NBEA: variants seen among roughly 807,000 people sequenced by gnomAD.
The protein encoded by NBEA is neurobeachin.
A neutral mutation model predicts 343.4 loss-of-function variants in NBEA; 44 were observed. The observed-to-expected ratio is 0.13, with a 90% CI of 0.10 to 0.16. The LOEUF is 0.16. NBEA is among the 10% of genes least tolerant of loss of function. The pLI is 1.00. For synonymous variants in NBEA, 1,175 were observed against 1,238.7 expected, an observed-to-expected ratio of 0.95 and a Z score of 1.08; for missense variants, 2,555 against 3,631.3, an observed-to-expected ratio of 0.70 and a Z score of 7.62.
At chr13:35,646,154 C>CT in intron 50 of NBEA, 105 bp from the exon 51 acceptor site, 7 of 926,132 alleles carry the variant, frequency 7.6e-6, no homozygotes, top group Admixed American at 2.3e-5. Context: ...ATTTTCTGGA[C>CT]TTTTTTTCAT....
chr13:35,199,912 A>C (rs1331902709), intron 31 of NBEA, among the ~76,000 whole-genome samples: 1 of 152,088 alleles, frequency 6.6e-6, no homozygotes, highest in Non-Finnish European at 1.5e-5. Flanking sequence ...ATCTGTGCAG[A>C]TTAAGTATAT....
intron 1 of NBEA, among the ~76,000 whole-genome samples, chr13:35,003,763 C>T (rs774021277): frequency 9.2e-5 from 14 of 151,950 alleles, no homozygotes; most frequent in African/African-American, 2.2e-4. Flanking sequence ...GATGCTTTGT[C>T]GTCTTTTTTT....
chr13:35,559,930 CAAAA>C (rs34700584), intron 44 of NBEA, among the ~76,000 whole-genome samples: 4 of 108,966 alleles, frequency 3.7e-5, no homozygotes, highest in Non-Finnish European at 3.7e-5. Flanking sequence ...GACTCCGTCT[CAAAA>C]AAAAAAAAAA....
rs115212478 is a variant in NBEA at position 35,621,102 on chromosome 13, T to C, written c.7450-6979T>C. Among the ~76,000 whole-genome samples the C allele has an allele frequency of 3.2e-3, 491 of 152,322 alleles. 3 individuals carry two copies. The highest frequency in any genetic ancestry group is 0.011 in the African/African-American group (474 of 41,566). ...AATCTTTTTCAGGACATCGAATGCT[T>C]ATTCATCTATGTGTCCTCTAAGGCT... On this transcript the variant is annotated intron_variant, in intron 48 of 58. Transcript: ENST00000379939.
chr13:34,966,915 A>G (rs943286509), intron 1 of NBEA, among the ~76,000 whole-genome samples: 1 of 151,586 alleles, frequency 6.6e-6, no homozygotes, highest in African/African-American at 2.4e-5. Flanking sequence ...GCCAGAATGC[A>G]AATCATCTGT....
intron 38 of NBEA, among the ~76,000 whole-genome samples, chr13:35,426,045 G>A (rs1173105416): frequency 6.6e-6 from 1 of 152,154 alleles, no homozygotes; most frequent in Non-Finnish European, 1.5e-5. Flanking sequence ...GTGTGTCTCT[G>A]CACATGAGAT....
intron 1 of NBEA, among the ~76,000 whole-genome samples, chr13:34,994,023 C>T (rs1225309290): frequency 1.3e-5 from 2 of 151,432 alleles, no homozygotes. Flanking sequence ...CATGGTGAAA[C>T]CCCGTCTCTA....
chr13:35,046,936 T>C lies in NBEA; in HGVS notation c.723+1535T>C, dbSNP rs151075528. Among the ~76,000 whole-genome samples the C allele has an allele frequency of 3.7e-3, 564 of 152,208 alleles. 5 individuals are homozygous for C. The highest frequency in any genetic ancestry group is 4.7e-3 in the Non-Finnish European group (321 of 67,996). ...TTATTGGCCATTCTTATGTCTTCAT[T>C]TGTGATGTTTCTGTTCACATCTTCC... On this transcript the variant is annotated intron_variant, in intron 4 of 58. Transcript: ENST00000379939.
chr13:35,179,453 T>C (rs1346752823), intron 28 of NBEA, among the ~76,000 whole-genome samples: 2 of 151,392 alleles, frequency 1.3e-5, no homozygotes, highest in Non-Finnish European at 3.0e-5. Context: ...CCCAGATGTT[T>C]AGCCTCTATG....
chr13:35,242,012 C>CA (rs1287906258), intron 34 of NBEA, among the ~76,000 whole-genome samples: 2 of 151,768 alleles, frequency 1.3e-5, no homozygotes, highest in Non-Finnish European at 3.0e-5. Context: ...ACAACGCACT[C>CA]AAAGAAAGAG....
chr13:35,083,631 C>G (rs953650097), intron 10 of NBEA, among the ~76,000 whole-genome samples: 3 of 152,128 alleles, frequency 2.0e-5, no homozygotes, highest in Admixed American at 2.0e-4. Context: ...AAAGGAACAA[C>G]TGGTACCAGC....
chr13:35,195,732 T>C (rs1422689480), intron 30 of NBEA, 132 bp from the exon 31 acceptor site: 4 of 727,632 alleles, frequency 5.5e-6, no homozygotes, highest in African/African-American at 3.6e-5. Flanking sequence ...GTTACTACTA[T>C]GCACATCCGT....
intron 10 of NBEA, among the ~76,000 whole-genome samples, chr13:35,085,846 C>T (rs2064728544): frequency 6.6e-6 from 1 of 152,088 alleles, no homozygotes. Flanking sequence ...ATCATCTCAG[C>T]CCAAAATCTC....
rs779788351 is a variant in NBEA, at chr13:35,159,312, T to G, written c.3141T>G (p.Gly1047=). ...ILGNSDRPGS[G]VHVEVHDLLV... is the part of the protein sequence containing the mutation. ...GAAATTCAGATAGACCAGGAAGTGG[T>G]GTACATGTGGAAGTACATGATCTTT... is the stretch of plus-strand genomic sequence containing the variant. The change falls in exon 22 of 59, where the codon GGT becomes GGG. Residue 1047 remains glycine (G), a synonymous_variant. Coordinates refer to ENST00000379939, the MANE Select transcript of NBEA (RefSeq NM_001385012.1). 6.2e-6 allele frequency: 10 copies of G among 1,613,464 alleles called. No homozygotes were observed. The highest frequency in any genetic ancestry group is 3.3e-4 in the Middle Eastern group (2 of 6,082).
chr13:35,541,202 GTGTTTATGTATCTTTACATACA>G (rs1401227066), intron 41 of NBEA, among the ~76,000 whole-genome samples: 49 of 151,630 alleles, frequency 3.2e-4, no homozygotes, highest in Middle Eastern at 3.4e-3. Context: ...CCCCAGCACT[GTGTTTATGTATCTTTACATACA>G]TGTTTACATA....
chr13:35,660,864 A>G (rs2085058148), intron 55 of NBEA, among the ~76,000 whole-genome samples: 1 of 152,226 alleles, frequency 6.6e-6, no homozygotes, highest in Admixed American at 6.5e-5. Context: ...GATTTAGCAT[A>G]TGTTAAACCA....
At chr13:35,140,598 G>A (rs2068031312) in intron 17 of NBEA, among the ~76,000 whole-genome samples, 1 of 152,012 alleles carries the variant, frequency 6.6e-6, no homozygotes, top group Admixed American at 6.6e-5. Flanking sequence ...GCTTCCTTTT[G>A]AGTTTAGGTC....
chr13:35,490,532 A>G (rs368874848), intron 41 of NBEA, among the ~76,000 whole-genome samples: 146 of 152,032 alleles, frequency 9.6e-4, no homozygotes, highest in African/African-American at 3.4e-3. Context: ...CCCTGACGTA[A>G]GAAGTTACTG....
At chr13:35,033,766 A>G (rs975169541) in intron 1 of NBEA, among the ~76,000 whole-genome samples, 2 of 151,812 alleles carry the variant, frequency 1.3e-5, no homozygotes, top group African/African-American at 4.8e-5. Flanking sequence ...ATGTGTGGCT[A>G]TTGTAAATGG....
Sources: gnomAD v4.1 joint callset for allele counts (sites outside exome capture counted in the v4.1 genomes callset) on GRCh38, gnomAD v4.1.1 for gene constraint, MANE v1.5 for transcripts, NCBI Gene and HGNC (gene_info 2026-07-23, HGNC 2026-07-21) for gene names.